Variants in HVCN1 observed in about 807,000 individuals in gnomAD.
HVCN1 encodes the protein hydrogen voltage gated channel 1.
Under a neutral mutation model 29.2 loss-of-function variants are expected in HVCN1, and 14 were observed. That is an observed-to-expected ratio of 0.48 (90% CI 0.32 to 0.75). The LOEUF is 0.75. HVCN1 is among the 30% of genes least tolerant of loss of function. The pLI, the probability that HVCN1 is intolerant of heterozygous loss-of-function variation, is 0.04. For synonymous variants in HVCN1, 131 were observed against 133.2 expected, an observed-to-expected ratio of 0.98 and a Z score of 0.11; for missense variants, 263 against 341.8, an observed-to-expected ratio of 0.77 and a Z score of 1.82.
chr12:110,661,194 CA>C lies in HVCN1; in HGVS notation c.275del (p.Leu92Ter). ...PRAPLDFRGM[L>X]RKLFSSHRFQ... is the part of the protein sequence containing the mutation. ...ACCTGTGGGAGCTGAACAGTTTCCT[CA>C]ACATGCCCCTGAAGTCAAGGGGGGC... On this transcript the variant is annotated frameshift_variant, in exon 4 of 8. Transcript: ENST00000242607. LOFTEE classifies it high-confidence loss of function. The surrounding 1 kb of genome is among the most constrained non-coding windows in gnomAD (Gnocchi z 6.2). The C allele has an allele frequency of 6.2e-7, 1 of 1,612,024 alleles. No individual in the cohort carries two copies. Among genetic ancestry groups the C allele is most frequent in the Non-Finnish European group, 8.5e-7 (1 of 1,178,560 alleles).
At chr12:110,685,286 C>G (rs1339377025) in intron 2 of HVCN1, among the ~76,000 whole-genome samples, 1 of 152,096 alleles carries the variant, frequency 6.6e-6, no homozygotes, top group Non-Finnish European at 1.5e-5. Context: ...GGCCTCAATC[C>G]AAGGCATGTG....
intron 1 of HVCN1, among the ~76,000 whole-genome samples, chr12:110,704,081 AAC>A (rs1261446416): frequency 2.0e-5 from 3 of 152,170 alleles, no homozygotes; most frequent in Admixed American, 2.0e-4. Context: ...AAATTTATCC[AAC>A]AGAGATCACC....
At chr12:110,704,484 TA>T (rs2069588698) in intron 1 of HVCN1, among the ~76,000 whole-genome samples, 1 of 151,300 alleles carries the variant, frequency 6.6e-6, no homozygotes, top group Admixed American at 6.6e-5. Flanking sequence ...ACCCTGTCTC[TA>T]CCAATAATTA....
chr12:110,695,245 C>T (rs1304716231), intron 2 of HVCN1, among the ~76,000 whole-genome samples: 2 of 151,802 alleles, frequency 1.3e-5, no homozygotes, highest in African/African-American at 2.4e-5. Context: ...TCTGTCTCTA[C>T]ATACATATAT....
At chr12:110,699,454 A>G (rs532105382) in intron 2 of HVCN1, among the ~76,000 whole-genome samples, 15 of 152,042 alleles carry the variant, frequency 9.9e-5, no homozygotes, top group African/African-American at 3.4e-4. Context: ...CCGTCATTCT[A>G]TGGGGGCCCC....
At chr12:110,649,811 C>T (rs958045337) in intron 7 of HVCN1, among the ~76,000 whole-genome samples, 1 of 151,972 alleles carries the variant, frequency 6.6e-6, no homozygotes, top group African/African-American at 2.4e-5. Flanking sequence ...CAGCGCTCTG[C>T]TGCAGGCGGG....
intron 3 of HVCN1, among the ~76,000 whole-genome samples, chr12:110,668,390 AG>A (rs1487932491): frequency 1.3e-5 from 2 of 152,152 alleles, no homozygotes; most frequent in African/African-American, 4.8e-5. Context: ...TTGTAATCCC[AG>A]CTACTTGGGA....
chr12:110,697,381 C>G (rs1273596043), intron 2 of HVCN1, among the ~76,000 whole-genome samples: 1 of 152,030 alleles, frequency 6.6e-6, no homozygotes, highest in African/African-American at 2.4e-5. Context: ...AAGGAAAAAC[C>G]AAGGGTGTGT....
chr12:110,700,132 A>G (rs2069549279), intron 2 of HVCN1, among the ~76,000 whole-genome samples: 1 of 152,246 alleles, frequency 6.6e-6, no homozygotes, highest in Admixed American at 6.5e-5. Context: ...TCCCATGAAC[A>G]AAGGAGACAG....
At chr12:110,670,946 C>G (rs1469023223) in intron 3 of HVCN1, among the ~76,000 whole-genome samples, 1 of 152,134 alleles carries the variant, frequency 6.6e-6, no homozygotes, top group Admixed American at 6.5e-5. Context: ...AATCCCAGCA[C>G]TTTGGGAGGC....
intron 2 of HVCN1, 55 bp from the exon 3 acceptor site, chr12:110,683,319 G>C: frequency 6.5e-7 from 1 of 1,548,348 alleles, no homozygotes; most frequent in Non-Finnish European, 8.7e-7. Context: ...CATCTGCCTT[G>C]GTATGTGCTC....
Position 110,650,695 on chromosome 12 carries a change from GTT to G in HVCN1, c.644-417_644-416del, listed in dbSNP as rs63680261. Among the ~76,000 whole-genome samples, 36 of 129,500 alleles carry G rather than the reference GTT, an allele frequency of 2.8e-4. 1 individual carries two copies. The highest frequency in any genetic ancestry group is 7.1e-4 in the South Asian group (3 of 4,252). The allele number at this position is 129,500 out of a possible 152,430, so 85.0% of individuals were successfully genotyped here. A position where few individuals can be genotyped will look rare whatever the true frequency, so the allele number is the denominator to read the frequency against. ...TTTTCTTTCCTTTGACAAGAGTCCA[GTT>G]TTTTTTTTTTTTTTTGAGATGGGGT... On this transcript the variant is annotated intron_variant, in intron 6 of 7. Transcript: ENST00000242607.
chr12:110,696,169 G>T lies in HVCN1; in HGVS notation c.-104+6140C>A, dbSNP rs927283650. ...GGGTTTTGTCATGTTGCCCAGGCAGGTCTCGAACTCCTGACCTCAGGTGAT... is the reference window on the plus strand; with the variant it reads ...GGGTTTTGTCATGTTGCCCAGGCAGTTCTCGAACTCCTGACCTCAGGTGAT... On this transcript the variant is annotated intron_variant, in intron 2 of 4. Transcript: ENST00000546713. Among the ~76,000 whole-genome samples, 6 of 151,648 alleles carry T rather than the reference G, an allele frequency of 4.0e-5. No individual in the cohort carries two copies. The East Asian group carries it at 9.7e-4, about 24-fold the overall frequency.
At chr12:110,688,418 T>G (rs2136478856) in intron 2 of HVCN1, 1 of 152,488 alleles carries the variant, frequency 6.6e-6, no homozygotes, top group Non-Finnish European at 1.5e-5. Context: ...CCTCAGCATC[T>G]CTGTCTCCAA....
intron 2 of HVCN1, among the ~76,000 whole-genome samples, chr12:110,685,144 T>C (rs2069131024): frequency 6.6e-6 from 1 of 152,216 alleles, no homozygotes; most frequent in South Asian, 2.1e-4. Context: ...TTTTGGATTA[T>C]CCTAGTGGAC....
Position 110,661,235 on chromosome 12 carries a change from C to G in HVCN1, c.235G>C (p.Gly79Arg). 1 of 1,614,076 alleles carries G rather than the reference C, an allele frequency of 6.2e-7. No individual in the cohort carries two copies. Among genetic ancestry groups the G allele is most frequent in the Non-Finnish European group, 8.5e-7 (1 of 1,179,952 alleles). Reference sequence around the variant, plus strand: ...TCAAGGGGGGCCCTGGGTGCGGGGCCAGGGGCAGGGGCAACGTCAGGGGCT... The same window carrying G: ...TCAAGGGGGGCCCTGGGTGCGGGGCGAGGGGCAGGGGCAACGTCAGGGGCT... ...AAAPDVAPAP[G>R]PAPRAPLDFR... Residue 79 changes from glycine to arginine, a missense_variant, in exon 4 of 8, where the codon GGC becomes CGC. By Grantham distance (125) the Gly-to-Arg change is moderately radical. This residue lies in a region of HVCN1 where 157 missense variants were observed against 181.3 expected (regional missense o/e 0.87). Coordinates refer to ENST00000242607, the MANE Select transcript of HVCN1 (RefSeq NM_032369.4). The surrounding 1 kb of genome is among the most constrained non-coding windows in gnomAD (Gnocchi z 6.2).
intron 3 of HVCN1, among the ~76,000 whole-genome samples, chr12:110,666,417 C>T (rs973949074): frequency 4.7e-5 from 7 of 149,534 alleles, no homozygotes; most frequent in South Asian, 2.1e-4. Flanking sequence ...AGTGAGACTC[C>T]GCCTAAAAAG....
chr12:110,665,417 TG>T (rs1054879945), intron 3 of HVCN1, among the ~76,000 whole-genome samples: 11 of 150,820 alleles, frequency 7.3e-5, no homozygotes, highest in Admixed American at 6.0e-4. Context: ...ATTAGCTGGG[TG>T]TGGTGGCACA....
At chr12:110,693,721 A>C (rs2069448196), upstream of HVCN1, among the ~76,000 whole-genome samples, 1 of 152,238 alleles carries the variant, frequency 6.6e-6, no homozygotes, top group Non-Finnish European at 1.5e-5. Flanking sequence ...AATGTGTACT[A>C]TAAGAACTCC....
Sources: gnomAD v4.1 joint callset for allele counts (sites outside exome capture counted in the v4.1 genomes callset) on GRCh38, gnomAD v4.1.1 for gene constraint, gnomAD v4.1.1 regional missense constraint, Gnocchi (gnomAD v3.1) non-coding constraint, MANE v1.5 for transcripts, NCBI Gene and HGNC (gene_info 2026-07-23, HGNC 2026-07-21) for gene names.